WDFY3: variants seen among roughly 807,000 people sequenced by gnomAD.
WDFY3 encodes WD repeat and FYVE domain-containing protein 3.
In WDFY3, 66 loss-of-function variants were observed where a neutral mutation model predicts 409.6. The ratio of observed to expected loss-of-function variants is 0.16; its 90% CI spans 0.13 to 0.20. The LOEUF is 0.20. WDFY3 is among the 10% of genes least tolerant of loss of function. The probability of loss-of-function intolerance (pLI) is 1.00; values close to 1 mark genes in which losing one functional copy is unlikely to be tolerated. For missense variants in WDFY3, 3,031 were observed against 4,298.1 expected (o/e 0.71, Z 8.24); for synonymous variants, 1,521 against 1,537.1 (o/e 0.99, Z 0.25).
At position 84,794,563 on chromosome 4, in the gene WDFY3, C is replaced by A. The variant is rs762005418; in HGVS notation, c.3443G>T (p.Arg1148Leu). The change falls in exon 21 of 68, where the codon CGA (arginine) becomes CTA (leucine). Residue 1148 changes from arginine (R) to leucine (L), a missense_variant. Arg to Leu is a moderately radical substitution (Grantham distance 102, BLOSUM62 -2). This residue lies in a region of WDFY3 where 1,322 missense variants were observed against 1,697.9 expected (regional missense o/e 0.78). Transcript: ENST00000295888. Reference sequence around the variant, plus strand: ...CTCTTTGGTGGAAACAATCAGAGATCGGTCTTTTGCTGATAGAACTATTGC... The same window carrying A: ...CTCTTTGGTGGAAACAATCAGAGATAGGTCTTTTGCTGATAGAACTATTGC... ...CLAIVLSAKD[R>L]SLIVSTKEEL... 7 of 1,613,816 alleles carry A rather than the reference C, an allele frequency of 4.3e-6. No homozygotes were observed. In the Admixed American group the frequency reaches 6.7e-5, roughly 15 times the overall value.
intron 1 of WDFY3, among the ~76,000 whole-genome samples, chr4:84,938,089 C>T (rs1294282582): frequency 6.6e-6 from 1 of 152,082 alleles, no homozygotes; most frequent in Non-Finnish European, 1.5e-5. Flanking sequence ...TCCTATTTGT[C>T]TATGTCCTTC....
chr4:84,741,833 G>C lies in WDFY3; in HGVS notation c.6162C>G (p.Asp2054Glu), dbSNP rs748372537. 1 of 1,613,458 alleles carries C rather than the reference G, an allele frequency of 6.2e-7. No homozygotes were observed. The highest frequency in any genetic ancestry group is 8.5e-7 in the Non-Finnish European group (1 of 1,179,542). The part of the protein sequence containing the change: ...NVFYFTQRVV[D>E]KLWQGMFNKE... ...TGTTGAACATGCCTTGCCAAAGCTT[G>C]TCCACCACACGCTGTGTGAAATAAA... Residue 2054 changes from aspartate to glutamate, a missense_variant, in exon 38 of 68, where the codon GAC becomes GAG. Asp to Glu is a conservative substitution (Grantham distance 45). Coordinates refer to ENST00000295888, the MANE Select transcript of WDFY3 (RefSeq NM_014991.6).
intron 8 of WDFY3, among the ~76,000 whole-genome samples, chr4:84,829,652 C>G (rs1003624767): frequency 6.6e-6 from 1 of 151,534 alleles, no homozygotes; most frequent in African/African-American, 2.4e-5. Context: ...ACTAAAAATA[C>G]AAAAATTAGC....
chr4:84,959,882 A>G (rs1774703127), intron 1 of WDFY3, among the ~76,000 whole-genome samples: 1 of 152,242 alleles, frequency 6.6e-6, no homozygotes, highest in African/African-American at 2.4e-5. Context: ...ACATTACAGT[A>G]TTAGATGAGA....
chr4:84,783,299 C>T (rs1263260836), intron 24 of WDFY3, among the ~76,000 whole-genome samples: 2 of 152,066 alleles, frequency 1.3e-5, no homozygotes, highest in African/African-American at 4.8e-5. Context: ...TTGAGACCAG[C>T]CTGGGAAACA....
intron 3 of WDFY3, among the ~76,000 whole-genome samples, chr4:84,878,895 C>T (rs1763122836): frequency 6.6e-6 from 1 of 152,168 alleles, no homozygotes; most frequent in Non-Finnish European, 1.5e-5. Flanking sequence ...TTTGCATCCC[C>T]ACCTGTAATA....
At chr4:84,858,239 C>A (rs1760046052) in intron 4 of WDFY3, among the ~76,000 whole-genome samples, 1 of 152,096 alleles carries the variant, frequency 6.6e-6, no homozygotes, top group African/African-American at 2.4e-5. Context: ...ATAAGGTTGA[C>A]ATTATTATTA....
intron 2 of WDFY3, among the ~76,000 whole-genome samples, chr4:84,908,577 A>G (rs940455504): frequency 6.6e-6 from 1 of 152,216 alleles, no homozygotes; most frequent in African/African-American, 2.4e-5. Flanking sequence ...ATGGCTTCGC[A>G]TAATTCTAAT....
At position 84,966,448 on chromosome 4, in the gene WDFY3, G is replaced by C. The variant is rs573943951; in HGVS notation, c.-465C>G. The C allele has an allele frequency of 6.5e-6, 1 of 154,572 alleles. No homozygotes were observed. The highest frequency in any genetic ancestry group is 1.9e-4 in the East Asian group (1 of 5,130). The allele number at this position is 154,572 out of a possible 1,614,324, so 9.6% of individuals were successfully genotyped here. On this transcript the variant is annotated 5_prime_UTR_variant, in exon 1 of 68. Transcript: ENST00000295888. ...AGCGGTGCTAGGCAGCAGGGGCAGC[G>C]ACGCCGCCGCCTTTCCCTTCTCCTG...
intron 55 of WDFY3, 48 bp from the exon 56 acceptor site, chr4:84,702,554 G>C: frequency 1.4e-6 from 2 of 1,467,136 alleles, no homozygotes; most frequent in Non-Finnish European, 1.8e-6. Context: ...GTTCCCACCT[G>C]ACAGCTTCTG....
At chr4:84,808,207 A>G in intron 15 of WDFY3, 127 bp downstream of exon 15, 1 of 789,018 alleles carries the variant, frequency 1.3e-6, no homozygotes, top group Non-Finnish European at 2.0e-6. Flanking sequence ...CCAAAAGTAA[A>G]AACAAAACAA....
chr4:84,720,582 A>T (rs1306403918), intron 47 of WDFY3, among the ~76,000 whole-genome samples: 1 of 151,696 alleles, frequency 6.6e-6, no homozygotes, highest in African/African-American at 2.4e-5. Flanking sequence ...ATGAGTCCTT[A>T]CTCTATCAGT....
At chr4:84,866,470 A>G (rs1325553149) in intron 3 of WDFY3, among the ~76,000 whole-genome samples, 1 of 152,208 alleles carries the variant, frequency 6.6e-6, no homozygotes, top group Non-Finnish European at 1.5e-5. Flanking sequence ...ATCAAAGGCT[A>G]TCTCCCTAAC....
At chr4:84,924,015 T>C (rs1011944968) in intron 2 of WDFY3, among the ~76,000 whole-genome samples, 1 of 152,198 alleles carries the variant, frequency 6.6e-6, no homozygotes, top group East Asian at 1.9e-4. Context: ...GCTTATTTTT[T>C]TGTTAATAGA....
chr4:84,686,718 T>C (rs1728386108), intron 62 of WDFY3, among the ~76,000 whole-genome samples: 1 of 152,190 alleles, frequency 6.6e-6, no homozygotes, highest in African/African-American at 2.4e-5. Flanking sequence ...GGTGGGTTCC[T>C]GTCGACTCCC....
chr4:84,957,616 A>T (rs1230802332), intron 1 of WDFY3, among the ~76,000 whole-genome samples: 1 of 152,198 alleles, frequency 6.6e-6, no homozygotes, highest in East Asian at 1.9e-4. Context: ...TATGACCCTA[A>T]TGATACCTAG....
At chr4:84,759,587 A>G (rs1263738739) in intron 32 of WDFY3, among the ~76,000 whole-genome samples, 14 of 150,392 alleles carry the variant, frequency 9.3e-5, no homozygotes, top group Non-Finnish European at 1.8e-4. Context: ...GAGTTCACTC[A>G]TGATTTGGCT....
intron 22 of WDFY3, 23 bp from the exon 23 acceptor site, chr4:84,787,736 T>C (rs775280782): frequency 1.9e-6 from 3 of 1,575,292 alleles, no homozygotes; most frequent in Non-Finnish European, 2.6e-6. Flanking sequence ...CAAAAGCAAA[T>C]GTGTGAGATG....
intron 3 of WDFY3, among the ~76,000 whole-genome samples, chr4:84,889,193 G>A (rs186353992): frequency 2.6e-5 from 4 of 152,076 alleles, no homozygotes; most frequent in Admixed American, 2.0e-4. Flanking sequence ...AGGGTGCTAA[G>A]AGCAAATTTT....
Sources: allele counts gnomAD v4.1 joint callset (sites outside exome capture counted in the v4.1 genomes callset), GRCh38; gene constraint gnomAD v4.1.1; regional missense constraint gnomAD v4.1.1; transcripts MANE v1.5; gene names NCBI Gene and HGNC (gene_info 2026-07-23, HGNC 2026-07-21).